Variants in CREB3L1 observed in about 807,000 individuals in gnomAD.
CREB3L1 encodes cAMP responsive element binding protein 3 like 1.
Under a neutral mutation model 54.5 loss-of-function variants are expected in CREB3L1, and 33 were observed. The ratio of observed to expected loss-of-function variants is 0.61; its 90% confidence interval spans 0.46 to 0.81. The LOEUF is 0.81. Among genes scored for constraint, CREB3L1 ranks in the 30% least tolerant of loss-of-function variants. CREB3L1 has a pLI of 0.00. For missense variants in CREB3L1, 656 were observed against 673.3 expected (o/e 0.97, Z 0.29); for synonymous variants, 284 against 286.4 (o/e 0.99, Z 0.08).
intron 1 of CREB3L1, among the ~76,000 whole-genome samples, chr11:46,286,659 C>A (rs2136336369): frequency 6.6e-6 from 1 of 152,158 alleles, no homozygotes; most frequent in Non-Finnish European, 1.5e-5. Flanking sequence ...GTGGCGGGAG[C>A]CTGTAATCCC....
Position 46,317,372 on chromosome 11 carries a change from G to GTGCTT in CREB3L1, c.1146_1150dup (p.Val384AlafsTer23). ...CTCTTTGCTACCAGGTGGCAGCCTT[G>GTGCTT]TGCTTTGTTCTGGTGCTGGGCTCCC... is the stretch of plus-strand genomic sequence containing the variant. On this transcript the variant is annotated frameshift_variant, in exon 10 of 12. Transcript: ENST00000621158. LOFTEE classifies it high-confidence loss of function. 6.2e-7 allele frequency: 1 copy of GTGCTT among 1,613,950 alleles called. No homozygotes were observed. Among genetic ancestry groups the GTGCTT allele is most frequent in the Non-Finnish European group, 8.5e-7 (1 of 1,179,868 alleles).
chr11:46,316,177 G>A, intron 8 of CREB3L1, 109 bp from the exon 9 acceptor site: 2 of 673,516 alleles, frequency 3.0e-6, no homozygotes, highest in Admixed American at 2.7e-5. Context: ...GACTGAAACG[G>A]GCACCTGGCG....
intron 1 of CREB3L1, among the ~76,000 whole-genome samples, chr11:46,299,004 T>G (rs887354001): frequency 2.0e-5 from 3 of 152,182 alleles, no homozygotes; most frequent in Non-Finnish European, 4.4e-5. Context: ...ACCAAGATTT[T>G]TCAGACTTTT....
At chr11:46,289,519 T>A in intron 1 of CREB3L1, among the ~76,000 whole-genome samples, 1 of 152,198 alleles carries the variant, frequency 6.6e-6, no homozygotes, top group East Asian at 1.9e-4. Context: ...AGTGCTGTGG[T>A]AGAACAGAGA....
In CREB3L1 at chr11:46,305,732, GTA is replaced by G. The variant is rs1479749295; in HGVS notation, c.332-2070_332-2069del. On this transcript the variant is annotated intron_variant, in intron 2 of 11. Transcript: ENST00000621158. Reference sequence around the variant, plus strand: ...TGTGTGTGTGTGTGTGTGTGTGTGTGTATATATATATATATTTTTTTTTAAGA... The same window carrying G: ...TGTGTGTGTGTGTGTGTGTGTGTGTGTATATATATATATTTTTTTTTAAGA... Among the ~76,000 whole-genome samples the G allele has an allele frequency of 6.0e-4, 71 of 118,462 alleles. 1 individual carries two copies. Among genetic ancestry groups the G allele is most frequent in the South Asian group, 1.1e-3 (4 of 3,658 alleles). The allele number at this position is 118,462 out of a possible 152,430, so 77.7% of individuals were successfully genotyped here.
chr11:46,305,692 G>GTA (rs1317094470), intron 2 of CREB3L1, among the ~76,000 whole-genome samples: 1 of 105,444 alleles, frequency 9.5e-6, no homozygotes, highest in Non-Finnish European at 1.9e-5. Flanking sequence ...GTGTATATAT[G>GTA]TGTGTGTGTG....
chr11:46,310,911 G>T lies in CREB3L1; in HGVS notation c.596-121G>T, dbSNP rs1027334112. 4.3e-6 allele frequency: 6 copies of T among 1,405,938 alleles called. No homozygotes were observed. The African/African-American group carries it at 4.4e-5, about 10-fold the overall frequency. The allele number at this position is 1,405,938 out of a possible 1,614,324, so 87.1% of individuals were successfully genotyped here. On this transcript the variant is annotated intron_variant, in intron 4 of 11. Transcript: ENST00000621158. Reference sequence around the variant, plus strand: ...TCTGATGTCATAGCTGAGACCAAGCGCCTGGCAGTCCGTGTCCCACAATGT... The same window carrying T: ...TCTGATGTCATAGCTGAGACCAAGCTCCTGGCAGTCCGTGTCCCACAATGT...
chr11:46,321,027 T>C lies in CREB3L1; in HGVS notation c.*281T>C. ...TCTCTCATATGCCCAACACGACCAC[T>C]GCCTCCCTGCCCCCACACCTGCACC... On this transcript the variant is annotated 3_prime_UTR_variant, in exon 12 of 12. Transcript: ENST00000621158. 1 of 605,740 alleles carries C rather than the reference T, an allele frequency of 1.7e-6. No homozygotes were observed. The highest frequency in any genetic ancestry group is 1.8e-5 in the South Asian group (1 of 56,230). The allele number at this position is 605,740 out of a possible 1,614,324, so 37.5% of individuals were successfully genotyped here. A position where few individuals can be genotyped will look rare whatever the true frequency, so the allele number is the denominator to read the frequency against.
rs1162600457 is a variant in CREB3L1, at chr11:46,321,289, A to T, written c.*543A>T. 3.6e-5 allele frequency: 9 copies of T among 253,162 alleles called. No individual in the cohort carries two copies. In the East Asian group the frequency reaches 4.9e-4, roughly 14 times the overall value. The allele number at this position is 253,162 out of a possible 1,614,324, so 15.7% of individuals were successfully genotyped here. ...TGGCCCAGGAAAGAGGGACTACCTG[A>T]CCCTCACCTGGCACCCCCCTGCTGC... is the stretch of plus-strand genomic sequence containing the variant. On this transcript the variant is annotated 3_prime_UTR_variant, in exon 12 of 12. Transcript: ENST00000621158.
In CREB3L1 at chr11:46,299,064, G is replaced by A. The variant is rs534308842; in HGVS notation, c.103-871G>A. 4.6e-5 allele frequency among the ~76,000 whole-genome samples: 7 copies of A among 152,066 alleles called. No homozygotes were observed. The East Asian group carries it at 5.8e-4, about 13-fold the overall frequency. ...ATCATTACCAAGTACACACATGTGCGTTCACACACACAACTGTGATTTTTT... is the reference window on the plus strand; with the variant it reads ...ATCATTACCAAGTACACACATGTGCATTCACACACACAACTGTGATTTTTT... On this transcript the variant is annotated intron_variant, in intron 1 of 11. Transcript: ENST00000621158.
chr11:46,299,172 A>C (rs1939255782), intron 1 of CREB3L1, among the ~76,000 whole-genome samples: 1 of 151,980 alleles, frequency 6.6e-6, no homozygotes, highest in East Asian at 1.9e-4. Flanking sequence ...TTTTTACTTA[A>C]AATTCTGGTC....
At position 46,312,690 on chromosome 11, in the gene CREB3L1, T is replaced by C; in HGVS notation, c.962+20T>C. On this transcript the variant is annotated intron_variant, in intron 7 of 11. Transcript: ENST00000621158. ...AAAGAAGTAAGGGGCTTGGGAGGGGTGGGCAATCCACTCCCTTGCCTGACC... is the reference window on the plus strand; with the variant it reads ...AAAGAAGTAAGGGGCTTGGGAGGGGCGGGCAATCCACTCCCTTGCCTGACC... 1 of 1,538,206 alleles carries C rather than the reference T, an allele frequency of 6.5e-7. No individual in the cohort carries two copies. The highest frequency in any genetic ancestry group is 8.9e-7 in the Non-Finnish European group (1 of 1,117,928).
rs952009710 is a variant in CREB3L1 at position 46,295,623 on chromosome 11, G to T, written c.103-4312G>T. 6.6e-6 allele frequency among the ~76,000 whole-genome samples: 1 copy of T among 152,126 alleles called. No individual in the cohort carries two copies. The highest frequency in any genetic ancestry group is 1.5e-5 in the Non-Finnish European group (1 of 68,004). ...CTCCGCGCGAGCCCTGCACTCCTCC[G>T]GTGCCCTCCACGCCGCCACCGGCTG... On this transcript the variant is annotated intron_variant, in intron 1 of 11. Coordinates refer to ENST00000621158, the MANE Select transcript of CREB3L1 (RefSeq NM_052854.4). This position sits in a 1 kb window ranked among gnomAD's most constrained non-coding sequence, Gnocchi z 4.6.
intron 8 of CREB3L1, among the ~76,000 whole-genome samples, chr11:46,314,626 T>C (rs1939538256): frequency 6.6e-6 from 1 of 152,116 alleles, no homozygotes; most frequent in Non-Finnish European, 1.5e-5. Flanking sequence ...ACCTCCTGCT[T>C]TGGCTCCCAA....
intron 1 of CREB3L1, among the ~76,000 whole-genome samples, chr11:46,298,120 C>T (rs1342583994): frequency 6.6e-6 from 1 of 152,154 alleles, no homozygotes; most frequent in Non-Finnish European, 1.5e-5. Context: ...CTATGTGACT[C>T]CAGAGCTCGT....
At position 46,317,467 on chromosome 11, in the gene CREB3L1, G is replaced by T; in HGVS notation, c.1238G>T (p.Gly413Val). The change falls in exon 10 of 12, where the codon GGC becomes GTC. Residue 413 changes from glycine (G) to valine (V), a missense_variant. Transcript: ENST00000621158. Reference sequence around the variant, plus strand: ...AAGGAAGACCCCCTGGCCGCAGACGGCGTCTACACGGCCAGCCAGAGTGAG... The same window carrying T: ...AAGGAAGACCCCCTGGCCGCAGACGTCGTCTACACGGCCAGCCAGAGTGAG... ...TVKEDPLAAD[G>V]VYTASQMPSR... 1 of 1,611,048 alleles carries T rather than the reference G, an allele frequency of 6.2e-7. No individual in the cohort carries two copies. Among genetic ancestry groups the T allele is most frequent in the Non-Finnish European group, 8.5e-7 (1 of 1,179,844 alleles).
intron 1 of CREB3L1, among the ~76,000 whole-genome samples, chr11:46,282,067 G>A (rs1254642973): frequency 6.6e-6 from 1 of 152,098 alleles, no homozygotes; most frequent in East Asian, 1.9e-4. Flanking sequence ...TTGAGTCAGG[G>A]GCTTGGTCTG....
chr11:46,284,655 C>CA lies in CREB3L1; in HGVS notation c.102+6457dup, dbSNP rs10715929. Reference sequence around the variant, plus strand: ...GGCAACAAGGGCAAAACTCCATCTCCAAAAAAAAAAAAAAAGGCATTTCCA... The same window carrying CA: ...GGCAACAAGGGCAAAACTCCATCTCCAAAAAAAAAAAAAAAAGGCATTTCCA... On this transcript the variant is annotated intron_variant, in intron 1 of 11. Transcript: ENST00000621158. Among the ~76,000 whole-genome samples the CA allele has an allele frequency of 7.1e-4, 95 of 134,386 alleles. 1 individual carries two copies. The highest frequency in any genetic ancestry group is 1.8e-3 in the East Asian group (8 of 4,334). 88.2% of individuals were successfully genotyped at this position (134,386 alleles called of 152,430 possible). A position where few individuals can be genotyped will look rare whatever the true frequency, so the allele number is the denominator to read the frequency against.
chr11:46,300,735 G>T (rs1939285274), intron 2 of CREB3L1, among the ~76,000 whole-genome samples: 1 of 152,094 alleles, frequency 6.6e-6, no homozygotes, highest in South Asian at 2.1e-4. Context: ...GCCGGGCGCG[G>T]TGGCTCACGC....
Sources: allele counts gnomAD v4.1 joint callset (sites outside exome capture counted in the v4.1 genomes callset), GRCh38; gene constraint gnomAD v4.1.1; non-coding constraint Gnocchi (gnomAD v3.1); transcripts MANE v1.5; gene names NCBI Gene and HGNC (gene_info 2026-07-23, HGNC 2026-07-21).